Variants in DNAH5 observed in about 807,000 individuals in gnomAD.
The protein encoded by DNAH5 is dynein axonemal heavy chain 5, also known as axonemal beta dynein heavy chain 5.
A neutral mutation model predicts 518.2 loss-of-function variants in DNAH5; 372 were observed. The observed-to-expected ratio is 0.72, with a 90% CI of 0.66 to 0.78. The LOEUF (loss-of-function observed/expected upper bound fraction) is 0.78, where lower values mean the gene tolerates loss of function less well. DNAH5 is among the 30% of genes least tolerant of loss of function. The probability of loss-of-function intolerance (pLI) is 0.00; values close to 1 mark genes in which losing one functional copy is unlikely to be tolerated. For missense variants in DNAH5, 5,523 were observed against 5,687.0 expected (o/e 0.97, Z 0.93); for synonymous variants, 2,039 against 2,025.9 (o/e 1.01, Z -0.17).
At chr5:13,786,084 C>G (rs1202430167) in intron 52 of DNAH5, 95 bp downstream of exon 52, 1 of 1,272,932 alleles carries the variant, frequency 7.9e-7, no homozygotes, top group Non-Finnish European at 1.1e-6. Context: ...ACTGAAGATT[C>G]TCCTAGGAAA....
rs761744619 is a variant in DNAH5, at chr5:13,769,095, C to T, written c.9762G>A (p.Lys3254=). ...EVTMKAQAAE[K]VKAEVQKVKD... is the part of the protein sequence containing the mutation. ...TCACCTTCTGTACCTCAGCCTTGAC[C>T]TTTTCAGCAGCCTGTGCTTTCATTG... Residue 3254 remains lysine (K), a synonymous_variant, in exon 58 of 79, where the codon AAG becomes AAA. Coordinates refer to ENST00000265104, the MANE Select transcript of DNAH5 (RefSeq NM_001369.3). The T allele has an allele frequency of 1.2e-6, 2 of 1,614,200 alleles. No homozygotes were observed. Among genetic ancestry groups the T allele is most frequent in the Non-Finnish European group, 8.5e-7 (1 of 1,180,032 alleles).
chr5:13,730,498 G>A (rs975829770), intron 68 of DNAH5, among the ~76,000 whole-genome samples: 3 of 151,980 alleles, frequency 2.0e-5, no homozygotes, highest in South Asian at 2.1e-4. Context: ...GCAGTGGCAC[G>A]ATCTCGGTTC....
intron 11 of DNAH5, among the ~76,000 whole-genome samples, chr5:13,912,642 G>A (rs13169875): frequency 0.46 from 68,628 of 150,120 alleles, 16,750 homozygotes; most frequent in East Asian, 0.85. Context: ...GACATTTTAT[G>A]TAACACTATA....
intron 21 of DNAH5, among the ~76,000 whole-genome samples, chr5:13,879,147 T>C (rs1561491950): frequency 6.6e-6 from 1 of 152,178 alleles, no homozygotes; most frequent in Non-Finnish European, 1.5e-5. Flanking sequence ...AGCTGTCTTT[T>C]ATAATACACA....
At chr5:13,926,911 G>A (rs1034986651) in intron 3 of DNAH5, among the ~76,000 whole-genome samples, 2 of 152,128 alleles carry the variant, frequency 1.3e-5, no homozygotes, top group Non-Finnish European at 2.9e-5. Context: ...AATGTAATAA[G>A]CTTTCTAAGC....
At chr5:13,717,585 A>T (rs1222216042) in intron 72 of DNAH5, 65 bp from the exon 73 acceptor site, 2 of 1,282,768 alleles carry the variant, frequency 1.6e-6, no homozygotes, top group African/African-American at 2.9e-5. Flanking sequence ...TACTACTTTT[A>T]TAAGTAATCA....
intron 21 of DNAH5, among the ~76,000 whole-genome samples, chr5:13,878,280 T>C (rs528868841): frequency 3.2e-4 from 48 of 152,200 alleles, no homozygotes; most frequent in Non-Finnish European, 6.5e-4. Flanking sequence ...ATTAGGCATA[T>C]GTGAATTTCC....
chr5:13,706,859 G>C lies in DNAH5; in HGVS notation c.13338+1264C>G, dbSNP rs73048077. ...TACATACTGTATTTACAGATATAGT[G>C]ATACCAGAGCAGGGCAGGGAAGTGC... On this transcript the variant is annotated intron_variant, in intron 76 of 78. Transcript: ENST00000265104. 2.9e-3 allele frequency among the ~76,000 whole-genome samples: 449 copies of C among 152,280 alleles called. 4 individuals are homozygous for C. Among genetic ancestry groups the C allele is most frequent in the African/African-American group, 0.01 (435 of 41,554 alleles).
At chr5:13,924,311 C>T (rs1259527647) in intron 3 of DNAH5, among the ~76,000 whole-genome samples, 1 of 152,164 alleles carries the variant, frequency 6.6e-6, no homozygotes, top group African/African-American at 2.4e-5. Context: ...GGCTGCACTC[C>T]CAGCCACGTG....
At chr5:13,726,136 C>A (rs1386898825) in intron 70 of DNAH5, among the ~76,000 whole-genome samples, 1 of 152,192 alleles carries the variant, frequency 6.6e-6, no homozygotes, top group Non-Finnish European at 1.5e-5. Context: ...ACATTGTAGA[C>A]CTACTAATAT....
chr5:13,995,164 C>A (rs1413145765), intron 1 of DNAH5, among the ~76,000 whole-genome samples: 1 of 152,142 alleles, frequency 6.6e-6, no homozygotes, highest in East Asian at 1.9e-4. Flanking sequence ...GCTTGGCAAG[C>A]TTGTCTTTCC....
intron 71 of DNAH5, among the ~76,000 whole-genome samples, chr5:13,720,663 G>A (rs1272620844): frequency 6.6e-6 from 1 of 152,078 alleles, no homozygotes; most frequent in Non-Finnish European, 1.5e-5. Context: ...GTGAGGCATT[G>A]CACCCAGGTG....
intron 64 of DNAH5, 67 bp downstream of exon 64, chr5:13,752,067 T>C (rs1750309205): frequency 1.3e-6 from 2 of 1,537,376 alleles, no homozygotes; most frequent in Non-Finnish European, 9.0e-7. Context: ...GAGAATTCTA[T>C]CTGTGTCACA....
At chr5:13,821,443 A>G (rs1180931896) in intron 40 of DNAH5, among the ~76,000 whole-genome samples, 1 of 152,190 alleles carries the variant, frequency 6.6e-6, no homozygotes, top group African/African-American at 2.4e-5. Context: ...CAATCTTTAT[A>G]ATAACATGAT....
At chr5:13,884,608 G>A (rs556450114) in intron 19 of DNAH5, among the ~76,000 whole-genome samples, 51 of 152,344 alleles carry the variant, frequency 3.3e-4, no homozygotes, top group Non-Finnish European at 6.2e-4. Context: ...AGGCCGGGGC[G>A]GGCGGATCAC....
In DNAH5 at chr5:13,736,407, T is replaced by A. The variant is rs183508698; in HGVS notation, c.11456-475A>T. On this transcript the variant is annotated intron_variant, in intron 66 of 78. Coordinates refer to ENST00000265104, the MANE Select transcript of DNAH5 (RefSeq NM_001369.3). ...CGACACTTTAATTATTATTATTATTTTGTTGATACGGAGTTTTGCTCTTGT... is the reference window on the plus strand; with the variant it reads ...CGACACTTTAATTATTATTATTATTATGTTGATACGGAGTTTTGCTCTTGT... Among the ~76,000 whole-genome samples, 1,138 of 150,524 alleles carry A rather than the reference T, an allele frequency of 7.6e-3. 4 individuals are homozygous for A. The highest frequency in any genetic ancestry group is 0.011 in the Non-Finnish European group (749 of 67,992).
chr5:13,954,865 C>T (rs143494087), intron 1 of DNAH5, among the ~76,000 whole-genome samples: 58 of 152,344 alleles, frequency 3.8e-4, no homozygotes, highest in African/African-American at 1.4e-3. Flanking sequence ...CTTTCTATCT[C>T]CCTTCTTTCT....
At chr5:13,746,241 G>A (rs548636809) in intron 65 of DNAH5, among the ~76,000 whole-genome samples, 1 of 152,262 alleles carries the variant, frequency 6.6e-6, no homozygotes, top group South Asian at 2.1e-4. Context: ...ATGCTGTGGA[G>A]AGAGAGGATG....
At chr5:13,806,486 C>A (rs12657458) in intron 47 of DNAH5, among the ~76,000 whole-genome samples, 29,605 of 152,102 alleles carry the variant, frequency 0.19, 3,158 homozygotes, top group East Asian at 0.54. Context: ...TTTAACCATG[C>A]CTTCAACAAG....
Sources: gnomAD v4.1 joint callset for allele counts (sites outside exome capture counted in the v4.1 genomes callset) on GRCh38, gnomAD v4.1.1 for gene constraint, MANE v1.5 for transcripts, NCBI Gene and HGNC (gene_info 2026-07-23, HGNC 2026-07-21) for gene names.